SKAP2: variants seen among roughly 807,000 people sequenced by gnomAD.
SKAP2 encodes the protein src kinase associated phosphoprotein 2, also known as src kinase-associated phosphoprotein 2.
Under a neutral mutation model 54.9 loss-of-function variants are expected in SKAP2, and 28 were observed. That is an observed-to-expected ratio of 0.51 (90% CI 0.38 to 0.70). The LOEUF is 0.70. Among genes scored for constraint, SKAP2 ranks in the 30% least tolerant of loss-of-function variants. The pLI is 0.00. For synonymous variants in SKAP2, 137 were observed against 134.3 expected (o/e 1.02, Z -0.14); for missense variants, 356 against 424.1 (o/e 0.84, Z 1.41).
chr7:26,820,526 C>A (rs1035697420), intron 4 of SKAP2, among the ~76,000 whole-genome samples: 2 of 152,070 alleles, frequency 1.3e-5, no homozygotes, highest in Non-Finnish European at 2.9e-5. Flanking sequence ...TCATTTTGAT[C>A]AAATTCTCAT....
chr7:26,783,366 A>G (rs902489630), intron 4 of SKAP2, among the ~76,000 whole-genome samples: 1 of 151,804 alleles, frequency 6.6e-6, no homozygotes, highest in Non-Finnish European at 1.5e-5. Flanking sequence ...TTTTGGGGAG[A>G]AAAATGTGAC....
intron 4 of SKAP2, among the ~76,000 whole-genome samples, chr7:26,839,247 C>T (rs1784772201): frequency 6.6e-6 from 1 of 152,034 alleles, no homozygotes; most frequent in Non-Finnish European, 1.5e-5. Flanking sequence ...CCCAATTGCA[C>T]AATATATACC....
At chr7:26,817,395 T>C (rs1439850054) in intron 4 of SKAP2, among the ~76,000 whole-genome samples, 1 of 152,042 alleles carries the variant, frequency 6.6e-6, no homozygotes, top group African/African-American at 2.4e-5. Context: ...CTATTAAAAC[T>C]CAGTGGATAG....
chr7:26,823,510 T>C (rs948578093), intron 4 of SKAP2, among the ~76,000 whole-genome samples: 2 of 151,068 alleles, frequency 1.3e-5, no homozygotes, highest in South Asian at 2.1e-4. Flanking sequence ...GGCTAGAAGA[T>C]TAAACCAGCT....
chr7:26,757,726 T>C (rs1010907106), intron 4 of SKAP2, among the ~76,000 whole-genome samples: 42 of 152,194 alleles, frequency 2.8e-4, no homozygotes, highest in African/African-American at 9.7e-4. Flanking sequence ...CATTGGTAGC[T>C]TGATGGGGAT....
At chr7:26,711,635 G>C (rs1210019791) in intron 9 of SKAP2, among the ~76,000 whole-genome samples, 13 of 152,188 alleles carry the variant, frequency 8.5e-5, no homozygotes, top group Admixed American at 8.5e-4. Flanking sequence ...ATAAGTCTGA[G>C]CAGCAGAAAT....
chr7:26,728,992 T>C (rs1456290144), intron 6 of SKAP2, among the ~76,000 whole-genome samples: 2 of 151,890 alleles, frequency 1.3e-5, no homozygotes, highest in Non-Finnish European at 2.9e-5. Context: ...GGAGTGGGAG[T>C]CTACACCTGG....
At chr7:26,735,088 T>G (rs1302038876) in intron 6 of SKAP2, among the ~76,000 whole-genome samples, 3 of 152,136 alleles carry the variant, frequency 2.0e-5, no homozygotes, top group Non-Finnish European at 4.4e-5. Flanking sequence ...CCTGCCCAGC[T>G]CCCTCCTCCA....
At chr7:26,784,405 G>A (rs1783494363) in intron 4 of SKAP2, among the ~76,000 whole-genome samples, 1 of 152,196 alleles carries the variant, frequency 6.6e-6, no homozygotes, top group Non-Finnish European at 1.5e-5. Flanking sequence ...ATGGAAAGCT[G>A]TAAAGGCCAC....
rs191537857 is a variant in SKAP2, at chr7:26,670,129, C to T, written c.1051G>A (p.Ala351Thr). ...MKGAIGLVPK[A>T]YIMEMYDI ...ATATCATACATCTCCATTATGTAGGCTTTAGGCACCAAGCCAATGGCTCCC... is the reference window on the plus strand; with the variant it reads ...ATATCATACATCTCCATTATGTAGGTTTTAGGCACCAAGCCAATGGCTCCC... Residue 351 changes from alanine to threonine, a missense_variant, in exon 12 of 13, where the codon GCC (alanine) becomes ACC (threonine). Transcript: ENST00000345317. 4.5e-6 allele frequency: 7 copies of T among 1,565,510 alleles called. No individual in the cohort carries two copies. The highest frequency in any genetic ancestry group is 1.1e-5 in the South Asian group (1 of 90,076).
At chr7:26,742,679 G>C (rs1418112472) in intron 4 of SKAP2, among the ~76,000 whole-genome samples, 1 of 151,794 alleles carries the variant, frequency 6.6e-6, no homozygotes, top group Non-Finnish European at 1.5e-5. Flanking sequence ...AACCTTTATT[G>C]CTGTTTGTCC....
At chr7:26,697,850 A>G (rs1002440043) in intron 9 of SKAP2, among the ~76,000 whole-genome samples, 1 of 152,288 alleles carries the variant, frequency 6.6e-6, no homozygotes, top group East Asian at 1.9e-4. Context: ...TAAATAAAAT[A>G]CCCCAAATGC....
At chr7:26,775,332 T>C (rs913643534) in intron 4 of SKAP2, among the ~76,000 whole-genome samples, 1 of 152,172 alleles carries the variant, frequency 6.6e-6, no homozygotes, top group African/African-American at 2.4e-5. Flanking sequence ...TACCTGACTT[T>C]TAAATTTTTT....
At chr7:26,843,692 AAAT>A (rs770403121) in intron 4 of SKAP2, among the ~76,000 whole-genome samples, 1 of 151,986 alleles carries the variant, frequency 6.6e-6, no homozygotes, top group Non-Finnish European at 1.5e-5. Context: ...TTTATAAAAT[AAAT>A]AATACAGTAA....
At chr7:26,683,519 C>G (rs1786555288) in intron 11 of SKAP2, among the ~76,000 whole-genome samples, 1 of 128,264 alleles carries the variant, frequency 7.8e-6, no homozygotes, top group Admixed American at 8.3e-5. Flanking sequence ...ACTGCAGGTG[C>G]TTTATGATGG....
intron 4 of SKAP2, among the ~76,000 whole-genome samples, chr7:26,795,796 T>A (rs180893724): frequency 1.3e-5 from 2 of 152,306 alleles, no homozygotes; most frequent in East Asian, 3.9e-4. Flanking sequence ...ACCTGGTGAT[T>A]CATACTTAAT....
chr7:26,656,724 A>G, the SKAP2 span, among the ~76,000 whole-genome samples: 3 of 152,218 alleles, frequency 2.0e-5, no homozygotes, highest in African/African-American at 4.8e-5. Flanking sequence ...TTTGAGAATG[A>G]GCACTGCTTT....
chr7:26,804,478 G>T (rs574574933), intron 4 of SKAP2, among the ~76,000 whole-genome samples: 2 of 152,082 alleles, frequency 1.3e-5, no homozygotes, highest in East Asian at 1.9e-4. Context: ...TGGTGGTTCA[G>T]GCCCGTAATC....
At chr7:26,725,614 T>G in intron 8 of SKAP2, 49 bp from the exon 9 acceptor site, 1 of 1,466,540 alleles carries the variant, frequency 6.8e-7, no homozygotes, top group Non-Finnish European at 9.2e-7. Context: ...GCAGAAGATA[T>G]TTTTAAAACT....
Sources: allele counts gnomAD v4.1 joint callset (sites outside exome capture counted in the v4.1 genomes callset), GRCh38; gene constraint gnomAD v4.1.1; transcripts MANE v1.5; gene names NCBI Gene and HGNC (gene_info 2026-07-23, HGNC 2026-07-21).